DTNA: variants seen among roughly 807,000 people sequenced by gnomAD.
DTNA encodes the protein dystrophin-related protein 3.
A neutral mutation model predicts 100.7 loss-of-function variants in DTNA; 43 were observed. That is an observed-to-expected ratio of 0.43 (90% CI 0.33 to 0.55). The LOEUF (loss-of-function observed/expected upper bound fraction) is 0.55. Among genes scored for constraint, DTNA ranks in the 20% least tolerant of loss-of-function variants. The pLI is 0.04. For missense variants in DTNA, 798 were observed against 953.9 expected (o/e 0.84, Z 2.15); for synonymous variants, 349 against 347.9 (o/e 1.00, Z -0.04).
At chr18:34,854,241 G>A (rs1224380157) in intron 15 of DTNA, among the ~76,000 whole-genome samples, 1 of 152,120 alleles carries the variant, frequency 6.6e-6, no homozygotes, top group Non-Finnish European at 1.5e-5. Context: ...AGCAAAATAA[G>A]CCAGTTTTAA....
intron 17 of DTNA, among the ~76,000 whole-genome samples, chr18:34,874,238 G>A (rs918628153): frequency 6.6e-6 from 1 of 152,144 alleles, no homozygotes; most frequent in Non-Finnish European, 1.5e-5. Context: ...TCTGGGCCTT[G>A]CTGGAGAAGA....
chr18:34,780,326 T>A (rs2094260848), intron 3 of DTNA, among the ~76,000 whole-genome samples: 1 of 152,192 alleles, frequency 6.6e-6, no homozygotes, highest in South Asian at 2.1e-4. Context: ...AACTTCCCAA[T>A]ATTATCCAAG....
chr18:34,685,606 G>C (rs1221994881), intron 1 of DTNA, among the ~76,000 whole-genome samples: 1 of 152,182 alleles, frequency 6.6e-6, no homozygotes, highest in Non-Finnish European at 1.5e-5. Context: ...GCTTAGGATT[G>C]TCTTGGCTAT....
intron 1 of DTNA, among the ~76,000 whole-genome samples, chr18:34,732,959 A>G (rs1204629379): frequency 6.6e-6 from 1 of 152,114 alleles, no homozygotes; most frequent in Non-Finnish European, 1.5e-5. Flanking sequence ...CCTGAGATAA[A>G]ACTCCATTAA....
At chr18:34,503,702 T>G (rs117740617) in intron 1 of DTNA, among the ~76,000 whole-genome samples, 1 of 151,888 alleles carries the variant, frequency 6.6e-6, no homozygotes, top group Non-Finnish European at 1.5e-5. Context: ...TCTGCCATTT[T>G]TTGTTTGTTA....
upstream of DTNA, chr18:34,709,418 G>C (rs936486947): frequency 5.3e-5 from 8 of 152,252 alleles, no homozygotes; most frequent in Non-Finnish European, 1.0e-4. Context: ...AATGTACCAT[G>C]GTGGGAGGAA....
intron 1 of DTNA, among the ~76,000 whole-genome samples, chr18:34,703,743 G>A (rs1568263044): frequency 6.6e-6 from 1 of 152,150 alleles, no homozygotes. Flanking sequence ...TATGAAATTT[G>A]TTCAATTACT....
chr18:34,561,022 A>G (rs2046587372), intron 1 of DTNA, among the ~76,000 whole-genome samples: 1 of 152,366 alleles, frequency 6.6e-6, no homozygotes, highest in East Asian at 1.9e-4. Flanking sequence ...ATTAAGTTCT[A>G]TATTTTCATT....
intron 1 of DTNA, among the ~76,000 whole-genome samples, chr18:34,693,751 T>TGTGC (rs1477237954): frequency 8.4e-6 from 1 of 119,656 alleles, no homozygotes; most frequent in Non-Finnish European, 1.8e-5. Context: ...GTGCACTGTG[T>TGTGC]GTGTGTGTGT....
chr18:34,770,019 C>T (rs1008919202), intron 3 of DTNA, among the ~76,000 whole-genome samples: 2 of 152,032 alleles, frequency 1.3e-5, no homozygotes, highest in Admixed American at 6.6e-5. Flanking sequence ...CAACGCCTGG[C>T]CTGGGGCCTC....
At chr18:34,575,146 T>G (rs3980412) in intron 1 of DTNA, among the ~76,000 whole-genome samples, 15,572 of 152,240 alleles carry the variant, frequency 0.1, 1,168 homozygotes, top group African/African-American at 0.2. Context: ...TGAACTTCTT[T>G]TGAAGTTTCA....
rs531061015 is a variant in DTNA, at chr18:34,877,588, G to A, written c.1904-131G>A. 2.4e-4 allele frequency: 171 copies of A among 711,772 alleles called. 4 individuals carry two copies. In the South Asian group the frequency reaches 2.5e-3, roughly 10 times the overall value. 44.1% of individuals were successfully genotyped at this position (711,772 alleles called of 1,614,324 possible). A position where few individuals can be genotyped will look rare whatever the true frequency, so the allele number is the denominator to read the frequency against. On this transcript the variant is annotated intron_variant, in intron 18 of 22. Transcript: ENST00000444659. ...TTCTTGTTTCAGGAAATGAACTAAA[G>A]CACTTCTGAAAAGGAGAAGTCTTAG... is the stretch of plus-strand genomic sequence containing the variant.
chr18:34,794,324 C>A, intron 4 of DTNA, 74 bp downstream of exon 4: 1 of 1,541,182 alleles, frequency 6.5e-7, no homozygotes, highest in South Asian at 1.1e-5. Context: ...GTCTTTTTCC[C>A]AAACAATTTT....
intron 15 of DTNA, among the ~76,000 whole-genome samples, chr18:34,854,114 G>A (rs2149989892): frequency 6.6e-6 from 1 of 152,304 alleles, no homozygotes; most frequent in Admixed American, 6.5e-5. Context: ...TGGAATGCTT[G>A]TGTGAGTATT....
chr18:34,517,019 A>G (rs566500095), intron 1 of DTNA, among the ~76,000 whole-genome samples: 10 of 151,648 alleles, frequency 6.6e-5, no homozygotes, highest in African/African-American at 2.4e-4. Flanking sequence ...AAAGACAGGC[A>G]TAAGAAATTA....
At chr18:34,881,729 T>C (rs1013790008) in intron 20 of DTNA, among the ~76,000 whole-genome samples, 2 of 152,186 alleles carry the variant, frequency 1.3e-5, no homozygotes, top group Non-Finnish European at 2.9e-5. Flanking sequence ...AGCCCTCAGA[T>C]TGGGAAAACT....
At chr18:34,886,870 A>G (rs1018511457) in intron 22 of DTNA, among the ~76,000 whole-genome samples, 1 of 152,182 alleles carries the variant, frequency 6.6e-6, no homozygotes, top group Admixed American at 6.5e-5. Flanking sequence ...GTTCTATCCT[A>G]TTGTACTTTT....
chr18:34,683,115 C>T (rs1276165165), intron 1 of DTNA, among the ~76,000 whole-genome samples: 2 of 152,100 alleles, frequency 1.3e-5, no homozygotes, highest in Non-Finnish European at 2.9e-5. Flanking sequence ...AAATCTAAAG[C>T]TTCTGATTTA....
intron 13 of DTNA, among the ~76,000 whole-genome samples, chr18:34,845,336 A>G (rs1229210685): frequency 6.6e-6 from 1 of 152,200 alleles, no homozygotes; most frequent in African/African-American, 2.4e-5. Flanking sequence ...CTTGCTATAC[A>G]GAATCCTATA....
Sources: gnomAD v4.1 joint callset for allele counts (sites outside exome capture counted in the v4.1 genomes callset) on GRCh38, gnomAD v4.1.1 for gene constraint, MANE v1.5 for transcripts, NCBI Gene and HGNC (gene_info 2026-07-23, HGNC 2026-07-21) for gene names.